LONP2: variants seen among roughly 807,000 people sequenced by gnomAD.
LONP2 encodes the protein lon protease homolog 2, peroxisomal.
A neutral mutation model predicts 85.6 loss-of-function variants in LONP2; 60 were observed. The ratio of observed to expected loss-of-function variants is 0.70; its 90% confidence interval spans 0.57 to 0.87. LONP2 has a LOEUF of 0.87. Among genes scored for constraint, LONP2 ranks in the 40% least tolerant of loss-of-function variants. The pLI is 0.00. For missense variants in LONP2, 860 were observed against 1,063.5 expected, an observed-to-expected ratio of 0.81 and a Z score of 2.66; for synonymous variants, 395 against 389.7, an observed-to-expected ratio of 1.01 and a Z score of -0.16.
intron 1 of LONP2, among the ~76,000 whole-genome samples, chr16:48,250,591 C>A (rs555971861): frequency 6.6e-6 from 1 of 152,308 alleles, no homozygotes; most frequent in East Asian, 1.9e-4. Flanking sequence ...TTTGTCTCAT[C>A]TCTCTTTCTG....
At chr16:48,331,023 C>T (rs1438151876) in intron 11 of LONP2, among the ~76,000 whole-genome samples, 1 of 152,106 alleles carries the variant, frequency 6.6e-6, no homozygotes, top group Non-Finnish European at 1.5e-5. Flanking sequence ...CTCCTGTGAT[C>T]GTGAAATACA....
At position 48,298,622 on chromosome 16, in the gene LONP2, TTGAGGTG is replaced by T. The variant is rs1433678621; in HGVS notation, c.1535-1037_1535-1031del. ...CCCTTGGAACCCACTGCTTATTTAA[TTGAGGTG>T]TGTGTGTGTGTGTGTGTGTGTGTGT... On this transcript the variant is annotated intron_variant, in intron 9 of 14. Transcript: ENST00000285737. Among the ~76,000 whole-genome samples, 386 of 128,202 alleles carry T rather than the reference TTGAGGTG, an allele frequency of 3.0e-3. 2 individuals are homozygous for T. The highest frequency in any genetic ancestry group is 0.011 in the African/African-American group (367 of 33,636). 84.1% of individuals were successfully genotyped at this position (128,202 alleles called of 152,430 possible). A position where few individuals can be genotyped will look rare whatever the true frequency, so the allele number is the denominator to read the frequency against.
intron 9 of LONP2, 69 bp downstream of exon 9, chr16:48,296,234 A>T: frequency 2.0e-6 from 3 of 1,515,492 alleles, no homozygotes; most frequent in Non-Finnish European, 2.7e-6. Context: ...TAGTTATGCT[A>T]TGGAGTTTTG....
intron 5 of LONP2, among the ~76,000 whole-genome samples, chr16:48,261,882 C>T (rs1971887236): frequency 2.0e-5 from 3 of 152,056 alleles, no homozygotes; most frequent in Admixed American, 1.3e-4. Flanking sequence ...TCTCTTTGTA[C>T]AAGACAAAGT....
At chr16:48,309,731 A>T (rs56017929) in intron 11 of LONP2, among the ~76,000 whole-genome samples, 49,633 of 151,546 alleles carry the variant, frequency 0.33, 9,950 homozygotes, top group African/African-American at 0.56. Flanking sequence ...ATTTTTTTTT[A>T]AATTTATTGA....
At chr16:48,277,204 A>G in intron 7 of LONP2, 134 bp from the exon 8 acceptor site, 1 of 707,408 alleles carries the variant, frequency 1.4e-6, no homozygotes. Flanking sequence ...TGCCTTTTAA[A>G]TACATAGTAC....
chr16:48,339,399 G>C (rs898481367), intron 12 of LONP2, among the ~76,000 whole-genome samples: 1 of 152,198 alleles, frequency 6.6e-6, no homozygotes, highest in African/African-American at 2.4e-5. Flanking sequence ...ATTTCACAAG[G>C]AAGGAGTGGT....
At chr16:48,331,805 C>T (rs1316868264) in intron 11 of LONP2, among the ~76,000 whole-genome samples, 1 of 152,174 alleles carries the variant, frequency 6.6e-6, no homozygotes, top group Non-Finnish European at 1.5e-5. Context: ...ACCTCGTGAT[C>T]CACGCGCCTC....
Position 48,256,689 on chromosome 16 carries a change from T to C in LONP2, c.548T>C (p.Leu183Ser). The C allele has an allele frequency of 6.2e-7, 1 of 1,614,060 alleles. No individual in the cohort carries two copies. Among genetic ancestry groups the C allele is most frequent in the Non-Finnish European group, 8.5e-7 (1 of 1,179,942 alleles). Residue 183 changes from leucine (L) to serine (S), a missense_variant, in exon 3 of 15, where the codon TTA (leucine) becomes TCA (serine). Physicochemically the swap from Leu to Ser is moderately radical, Grantham distance 145. Coordinates refer to ENST00000285737, the MANE Select transcript of LONP2 (RefSeq NM_031490.5). ...RLLDSLPREALPDILTSIIRT... is the reference protein window; with the variant it reads ...RLLDSLPREASPDILTSIIRT... The stretch of plus-strand genomic sequence containing the variant: ...TTAGATAGTCTTCCAAGGGAAGCTT[T>C]ACCAGACATCTTGACATCAATTATC...
chr16:48,257,306 C>CTAAA (rs961283806), intron 3 of LONP2, among the ~76,000 whole-genome samples: 6 of 151,680 alleles, frequency 4.0e-5, no homozygotes, highest in South Asian at 4.1e-4. Flanking sequence ...GACTCTGCCT[C>CTAAA]TAAATAAATA....
chr16:48,250,822 T>C (rs1971626637), intron 1 of LONP2, among the ~76,000 whole-genome samples: 1 of 152,246 alleles, frequency 6.6e-6, no homozygotes, highest in Non-Finnish European at 1.5e-5. Context: ...GTGGGAAATA[T>C]TATCTACTAT....
chr16:48,305,093 C>G (rs1972885944), intron 11 of LONP2, among the ~76,000 whole-genome samples: 1 of 152,202 alleles, frequency 6.6e-6, no homozygotes, highest in Admixed American at 6.5e-5. Context: ...CCTCCCCACG[C>G]CTGGAACCTC....
intron 6 of LONP2, among the ~76,000 whole-genome samples, chr16:48,263,565 A>T (rs1443720865): frequency 6.6e-6 from 1 of 152,158 alleles, no homozygotes; most frequent in Non-Finnish European, 1.5e-5. Flanking sequence ...ATAATATTCC[A>T]TTGTGTGTCT....
intron 8 of LONP2, among the ~76,000 whole-genome samples, chr16:48,286,400 C>T (rs113652242): frequency 0.011 from 1,678 of 152,248 alleles, 17 homozygotes; most frequent in South Asian, 0.031. Flanking sequence ...CTTGGCCTCC[C>T]AAAGTGCTGA....
rs921441397 is a variant in LONP2, at chr16:48,292,214, A to T, written c.1384-3801A>T. 5.3e-5 allele frequency among the ~76,000 whole-genome samples: 8 copies of T among 152,182 alleles called. 1 individual carries two copies. The highest frequency in any genetic ancestry group is 5.2e-4 in the Admixed American group (8 of 15,274). ...GCATTTGTCTCAGGTGAGCAGAGGG[A>T]TGACTTTGAGTTCTGTCCTTTGTCC... is the stretch of plus-strand genomic sequence containing the variant. On this transcript the variant is annotated intron_variant, in intron 8 of 14. Coordinates refer to ENST00000285737, the MANE Select transcript of LONP2 (RefSeq NM_031490.5).
chr16:48,306,752 CTA>C (rs1972920449), intron 11 of LONP2, among the ~76,000 whole-genome samples: 1 of 151,996 alleles, frequency 6.6e-6, no homozygotes. Context: ...ACAAAAGAGT[CTA>C]TGTTAGGTTT....
At chr16:48,295,117 A>G (rs1383598689) in intron 8 of LONP2, among the ~76,000 whole-genome samples, 1 of 152,170 alleles carries the variant, frequency 6.6e-6, no homozygotes, top group Non-Finnish European at 1.5e-5. Context: ...AGCTATTGTA[A>G]TCCCAGTACT....
rs5816590 is a variant in LONP2 at position 48,296,007 on chromosome 16, TC to T, written c.1384-4del. The T allele has an allele frequency of 0.15, 248,459 of 1,612,286 alleles. 21,289 individuals carry two copies. Among genetic ancestry groups the T allele is most frequent in the African/African-American group, 0.3 (22,596 of 74,788 alleles). On this transcript the variant is annotated splice_region_variant and splice_polypyrimidine_tract_variant and intron_variant, in intron 8 of 14. Transcript: ENST00000285737. Reference sequence around the variant, plus strand: ...AAAGTTTTTAAAATGTTTTTTGTTCTCCCCTAGGTGTTGGATCCTGAACAAA... The same window carrying T: ...AAAGTTTTTAAAATGTTTTTTGTTCTCCCTAGGTGTTGGATCCTGAACAAA...
chr16:48,299,648 CTCT>C lies in LONP2; in HGVS notation c.1535-9_1535-7del. ...CATGTAAATAATTACAAAACAAGAT[CTCT>C]TCTTTTCCAGGTTATACACAGGAGG... On this transcript the variant is annotated splice_polypyrimidine_tract_variant and intron_variant, in intron 9 of 14. Coordinates refer to ENST00000285737, the MANE Select transcript of LONP2 (RefSeq NM_031490.5). 6.3e-7 allele frequency: 1 copy of C among 1,591,858 alleles called. No homozygotes were observed. The highest frequency in any genetic ancestry group is 8.5e-7 in the Non-Finnish European group (1 of 1,173,430).
Sources: allele counts gnomAD v4.1 joint callset (sites outside exome capture counted in the v4.1 genomes callset), GRCh38; gene constraint gnomAD v4.1.1; transcripts MANE v1.5; gene names NCBI Gene and HGNC (gene_info 2026-07-23, HGNC 2026-07-21).